Variants in GOSR1 observed in about 807,000 individuals in gnomAD.
GOSR1 encodes the protein golgi SNAP receptor complex member 1.
In GOSR1, 21 loss-of-function variants were observed where a neutral mutation model predicts 35.5. The observed-to-expected ratio is 0.59, with a 90% CI of 0.42 to 0.85. The LOEUF (loss-of-function observed/expected upper bound fraction) is 0.85. GOSR1 is among the 40% of genes least tolerant of loss of function. The pLI is 0.00. For missense variants in GOSR1, 285 were observed against 309.6 expected (o/e 0.92, Z 0.60); for synonymous variants, 94 against 106.6 (o/e 0.88, Z 0.73).
At chr17:30,506,747 C>G (rs1305955391) in intron 6 of GOSR1, among the ~76,000 whole-genome samples, 3 of 152,212 alleles carry the variant, frequency 2.0e-5, no homozygotes, top group Admixed American at 1.3e-4. Flanking sequence ...CTCCTAGAGA[C>G]GAGAAGTCAG....
At chr17:30,519,584 A>G (rs1212523699) in intron 7 of GOSR1, 2 of 160,748 alleles carry the variant, frequency 1.2e-5, no homozygotes, top group African/African-American at 4.8e-5. Context: ...ATATTTTAGT[A>G]GCTGGCTTCT....
At chr17:30,495,827 G>A (rs946530872) in intron 6 of GOSR1, among the ~76,000 whole-genome samples, 13 of 152,196 alleles carry the variant, frequency 8.5e-5, no homozygotes, top group Admixed American at 2.6e-4. Context: ...TTCTACTTCT[G>A]TATGAGAGGG....
intron 7 of GOSR1, among the ~76,000 whole-genome samples, chr17:30,519,147 C>A (rs1001704439): frequency 2.0e-5 from 3 of 152,060 alleles, no homozygotes; most frequent in South Asian, 2.1e-4. Flanking sequence ...TGTAGCCCCC[C>A]CCTCCTGGGC....
At chr17:30,493,319 A>G (rs762744700) in intron 6 of GOSR1, among the ~76,000 whole-genome samples, 1 of 152,260 alleles carries the variant, frequency 6.6e-6, no homozygotes, top group Admixed American at 6.5e-5. Context: ...AATTCTCTAC[A>G]GAGAGAGACT....
intron 5 of GOSR1, among the ~76,000 whole-genome samples, chr17:30,492,045 A>G (rs898489040): frequency 4.6e-5 from 7 of 152,154 alleles, no homozygotes; most frequent in African/African-American, 1.4e-4. Context: ...ACTGCATGCC[A>G]GTCTGGGTAA....
Position 30,492,703 on chromosome 17 carries a change from AAAC to A in GOSR1, c.464_466del (p.Asn155del). The A allele has an allele frequency of 6.2e-7, 1 of 1,602,204 alleles. No individual in the cohort carries two copies. Among genetic ancestry groups the A allele is most frequent in the Non-Finnish European group, 8.5e-7 (1 of 1,169,830 alleles). On this transcript the variant is annotated inframe_deletion, in exon 6 of 9. Coordinates refer to ENST00000451249, the MANE Select transcript of GOSR1 (RefSeq NM_001007025.2). ...GGTCATATAAAAGTGGGTCTGGAGT[AAAC>A]AACAGAAGAACTGAGCTATTTTTGA...
chr17:30,498,794 G>C (rs1300252868), intron 6 of GOSR1, among the ~76,000 whole-genome samples: 3 of 152,142 alleles, frequency 2.0e-5, no homozygotes, highest in African/African-American at 4.8e-5. Flanking sequence ...GCAGTGGGGG[G>C]GCTCTGAGTG....
intron 4 of GOSR1, among the ~76,000 whole-genome samples, chr17:30,487,904 T>G (rs906698150): frequency 6.6e-6 from 1 of 152,020 alleles, no homozygotes; most frequent in Admixed American, 6.6e-5. Context: ...GCCTCCCGAG[T>G]AGCAGGAACT....
chr17:30,505,386 A>G (rs1339628465), intron 6 of GOSR1, among the ~76,000 whole-genome samples: 4 of 152,146 alleles, frequency 2.6e-5, no homozygotes, highest in African/African-American at 9.7e-5. Context: ...GGTGACAGTG[A>G]GACCCCAGCT....
chr17:30,483,031 T>A (rs1012760211), intron 2 of GOSR1: 5 of 152,166 alleles, frequency 3.3e-5, no homozygotes, highest in African/African-American at 7.2e-5. Context: ...TGATGTCTAT[T>A]CTAAAGTGTC....
chr17:30,491,220 GC>G (rs932288521), intron 5 of GOSR1, among the ~76,000 whole-genome samples: 21 of 152,174 alleles, frequency 1.4e-4, no homozygotes, highest in Non-Finnish European at 2.9e-4. Flanking sequence ...TAGACACTGA[GC>G]CCCCCCATAA....
chr17:30,503,624 T>C (rs1472177265), intron 6 of GOSR1, among the ~76,000 whole-genome samples: 2 of 152,252 alleles, frequency 1.3e-5, no homozygotes, highest in Non-Finnish European at 2.9e-5. Flanking sequence ...TTGTTTACTT[T>C]ATTTGGTCTT....
rs1968076750 is a variant in GOSR1, at chr17:30,522,575, C to T, written c.*197C>T. The stretch of plus-strand genomic sequence containing the variant: ...TTTCTCTGTGCTGTGTTTTCTAACA[C>T]ATTTTTCTGTTTTTAATTAAAAAAA... On this transcript the variant is annotated 3_prime_UTR_variant, in exon 9 of 9. Coordinates refer to ENST00000451249, the MANE Select transcript of GOSR1 (RefSeq NM_001007025.2). 1 of 337,494 alleles carries T rather than the reference C, an allele frequency of 3.0e-6. No homozygotes were observed. Among genetic ancestry groups the T allele is most frequent in the African/African-American group, 2.3e-5 (1 of 43,984 alleles). The allele number at this position is 337,494 out of a possible 1,614,324, so 20.9% of individuals were successfully genotyped here. A position where few individuals can be genotyped will look rare whatever the true frequency, so the allele number is the denominator to read the frequency against.
At chr17:30,502,208 G>A (rs1967235972) in intron 6 of GOSR1, among the ~76,000 whole-genome samples, 1 of 152,172 alleles carries the variant, frequency 6.6e-6, no homozygotes, top group Non-Finnish European at 1.5e-5. Flanking sequence ...GGGAAATGGA[G>A]GAAGAATGAA....
At chr17:30,482,686 A>G (rs1276161719) in intron 2 of GOSR1, among the ~76,000 whole-genome samples, 6 of 152,198 alleles carry the variant, frequency 3.9e-5, no homozygotes, top group Admixed American at 3.9e-4. Flanking sequence ...TAGCCAAATT[A>G]CTATTTCTTT....
chr17:30,490,123 CA>C lies in GOSR1; in HGVS notation c.343-2del, dbSNP rs1446672098. ...GTTGAGACTGGATGTTGATTTATTA[CA>C]GGATTATACACATGAATTCCATAAA... On this transcript the variant is annotated splice_acceptor_variant, in intron 4 of 8. Coordinates refer to ENST00000451249, the MANE Select transcript of GOSR1 (RefSeq NM_001007025.2). LOFTEE classifies it high-confidence loss of function. 7.3e-7 allele frequency: 1 copy of C among 1,368,934 alleles called. No individual in the cohort carries two copies. The highest frequency in any genetic ancestry group is 2.3e-5 in the East Asian group (1 of 43,654). The allele number at this position is 1,368,934 out of a possible 1,614,324, so 84.8% of individuals were successfully genotyped here.
intron 6 of GOSR1, among the ~76,000 whole-genome samples, chr17:30,509,748 G>A (rs1258623928): frequency 6.6e-6 from 1 of 152,078 alleles, no homozygotes; most frequent in African/African-American, 2.4e-5. Flanking sequence ...CAGATAAAAG[G>A]TGTATTTGGT....
Position 30,525,409 on chromosome 17 carries a change from G to T in GOSR1, c.*3031G>T, listed in dbSNP as rs1253446606. Reference sequence around the variant, plus strand: ...GATTCAGGGTACCCTTAAAAGAAAAGAAGTTTTCCCATTGTGAACCTTAAA... The same window carrying T: ...GATTCAGGGTACCCTTAAAAGAAAATAAGTTTTCCCATTGTGAACCTTAAA... On this transcript the variant is annotated 3_prime_UTR_variant, in exon 9 of 9. Coordinates refer to ENST00000451249, the MANE Select transcript of GOSR1 (RefSeq NM_001007025.2). The T allele has an allele frequency of 6.6e-6, 1 of 152,162 alleles. No individual in the cohort carries two copies. Among genetic ancestry groups the T allele is most frequent in the Non-Finnish European group, 1.5e-5 (1 of 68,022 alleles). The allele number at this position is 152,162 out of a possible 1,614,324, so 9.4% of individuals were successfully genotyped here.
intron 1 of GOSR1, 89 bp from the exon 2 acceptor site, chr17:30,481,054 T>A (rs1914311669): frequency 8.1e-6 from 7 of 862,450 alleles, no homozygotes; most frequent in Non-Finnish European, 1.4e-5. Context: ...TATATGATCA[T>A]TTTCATAGTT....
Sources: gnomAD v4.1 joint callset for allele counts (sites outside exome capture counted in the v4.1 genomes callset) on GRCh38, gnomAD v4.1.1 for gene constraint, MANE v1.5 for transcripts, NCBI Gene and HGNC (gene_info 2026-07-23, HGNC 2026-07-21) for gene names.